BANP: variants seen among roughly 807,000 people sequenced by gnomAD.
BANP encodes the protein protein BANP.
In BANP, 11 loss-of-function variants were observed where a neutral mutation model predicts 68.1. That is an observed-to-expected ratio of 0.16 (90% confidence interval 0.10 to 0.27). The LOEUF (loss-of-function observed/expected upper bound fraction) is 0.27, where lower values mean the gene tolerates loss of function less well. BANP is among the 10% of genes least tolerant of loss of function. The pLI is 1.00. For synonymous variants in BANP, 329 were observed against 303.2 expected, an observed-to-expected ratio of 1.09 and a Z score of -0.88; for missense variants, 504 against 722.7, an observed-to-expected ratio of 0.70 and a Z score of 3.47.
At chr16:87,970,026 G>A (rs1198492376) in intron 1 of BANP, 2 of 150,666 alleles carry the variant, frequency 1.3e-5, no homozygotes, top group African/African-American at 2.5e-5. Flanking sequence ...TCCTTTCTCA[G>A]CCTCCTTAGT....
At chr16:87,978,233 A>T (rs895808829) in intron 2 of BANP, among the ~76,000 whole-genome samples, 1 of 152,242 alleles carries the variant, frequency 6.6e-6, no homozygotes, top group Non-Finnish European at 1.5e-5. Context: ...AAAAAGCAGC[A>T]AAGTACAAAG....
At chr16:87,955,099 C>T (rs1215910927) in intron 1 of BANP, among the ~76,000 whole-genome samples, 1 of 152,192 alleles carries the variant, frequency 6.6e-6, no homozygotes, top group African/African-American at 2.4e-5. Context: ...GGTCAGTGTG[C>T]CAAGCGGGCC....
intron 1 of BANP, 57 bp downstream of exon 1, chr16:87,951,572 G>C (rs1051232348): frequency 2.0e-5 from 3 of 152,046 alleles, no homozygotes; most frequent in Non-Finnish European, 3.0e-5. Context: ...CGCGGGGCGA[G>C]AGCGAGAGCG....
Position 88,013,269 on chromosome 16 carries a change from C to T in BANP, c.656-5159C>T, listed in dbSNP as rs150345017. Among the ~76,000 whole-genome samples, 1,293 of 152,348 alleles carry T rather than the reference C, an allele frequency of 8.5e-3. 21 individuals are homozygous for T. The highest frequency in any genetic ancestry group is 0.029 in the African/African-American group (1,205 of 41,586). On this transcript the variant is annotated intron_variant, in intron 6 of 13. Transcript: ENST00000682872. The stretch of plus-strand genomic sequence containing the variant: ...GATGGATCATGGGCTGGCTTAGCTG[C>T]TGGGGTTACTGTGAGGACTGAGGAA...
intron 4 of BANP, among the ~76,000 whole-genome samples, chr16:87,987,739 A>AAAAT: frequency 6.9e-6 from 1 of 145,122 alleles, no homozygotes; most frequent in Admixed American, 6.9e-5. Flanking sequence ...AAAAAAAAAA[A>AAAAT]GGATGTTATT....
At chr16:88,063,331 AAGG>A (rs1396028742) in intron 11 of BANP, among the ~76,000 whole-genome samples, 1 of 152,302 alleles carries the variant, frequency 6.6e-6, no homozygotes, top group African/African-American at 2.4e-5. Context: ...CTGGTCCCAG[AAGG>A]AGGAGTTGTG....
chr16:88,063,131 G>T (rs546528139), intron 11 of BANP, among the ~76,000 whole-genome samples: 22 of 152,362 alleles, frequency 1.4e-4, no homozygotes, highest in African/African-American at 5.0e-4. Flanking sequence ...CAAGCGGAGG[G>T]CGCACCGCGG....
chr16:88,072,025 T>TTGTGGGC, intron 12 of BANP, 44 bp from the exon 13 acceptor site: 1 of 1,541,976 alleles, frequency 6.5e-7, no homozygotes, highest in Non-Finnish European at 8.7e-7. Context: ...GGGTTGTGGG[T>TTGTGGGC]TGTGGGCCAC....
chr16:87,980,853 G>T, intron 2 of BANP, 183 bp from the exon 3 acceptor site: 1 of 575,826 alleles, frequency 1.7e-6, no homozygotes. Flanking sequence ...CTTTTCTTGG[G>T]ATTAAGGAGT....
At chr16:88,069,828 G>A (rs923922249) in intron 12 of BANP, among the ~76,000 whole-genome samples, 1 of 152,208 alleles carries the variant, frequency 6.6e-6, no homozygotes, top group Non-Finnish European at 1.5e-5. Context: ...GAACTATGAG[G>A]ATCCACTTAT....
chr16:88,073,753 G>C (rs2090976954), intron 13 of BANP, among the ~76,000 whole-genome samples: 1 of 152,218 alleles, frequency 6.6e-6, no homozygotes, highest in African/African-American at 2.4e-5. Context: ...AGATGTGGGG[G>C]CCATGCCTGA....
At chr16:88,074,689 G>GC (rs2091216241) in intron 13 of BANP, among the ~76,000 whole-genome samples, 1 of 151,992 alleles carries the variant, frequency 6.6e-6, no homozygotes, top group African/African-American at 2.4e-5. Context: ...CCAGGCGGTG[G>GC]CCCCCCTACC....
At chr16:88,035,658 T>G (rs936641198) in intron 10 of BANP, among the ~76,000 whole-genome samples, 1 of 151,930 alleles carries the variant, frequency 6.6e-6, no homozygotes, top group Non-Finnish European at 1.5e-5. Context: ...TACTGCTGGC[T>G]GGAAGTGCCC....
At chr16:88,014,413 G>A (rs76861540) in intron 6 of BANP, among the ~76,000 whole-genome samples, 2,266 of 152,002 alleles carry the variant, frequency 0.015, 50 homozygotes, top group African/African-American at 0.049. Flanking sequence ...GGAGCTGGCT[G>A]TCATCCTAAG....
chr16:88,023,643 A>T (rs910797065), intron 7 of BANP, among the ~76,000 whole-genome samples: 7 of 152,218 alleles, frequency 4.6e-5, no homozygotes, highest in African/African-American at 1.7e-4. Context: ...CAAGATGACA[A>T]GCCCTCCTGG....
intron 1 of BANP, among the ~76,000 whole-genome samples, chr16:87,967,323 G>A (rs1160238735): frequency 3.6e-5 from 5 of 139,906 alleles, no homozygotes; most frequent in East Asian, 2.2e-4. Flanking sequence ...TAGCCAGGCC[G>A]CTCTCCAACT....
chr16:88,033,615 C>T (rs756530367), intron 9 of BANP, among the ~76,000 whole-genome samples: 5 of 152,320 alleles, frequency 3.3e-5, no homozygotes, highest in South Asian at 2.1e-4. Context: ...GAAGTGCAGG[C>T]GCTCTCTTAC....
chr16:88,038,986 C>T (rs1038078954), intron 11 of BANP, among the ~76,000 whole-genome samples: 4 of 152,218 alleles, frequency 2.6e-5, no homozygotes, highest in African/African-American at 9.6e-5. Flanking sequence ...CAAGGCCAGG[C>T]CCTGCGGATC....
rs114924813 is a variant in BANP at position 88,044,198 on chromosome 16, C to T, written c.1311+6187C>T. On this transcript the variant is annotated intron_variant, in intron 11 of 13. Transcript: ENST00000682872. The stretch of plus-strand genomic sequence containing the variant: ...TGCTGCCTCTGGAGTGATGAGTGCA[C>T]GCGGGCTGCATGGCTGGACTCTACC... Among the ~76,000 whole-genome samples the T allele has an allele frequency of 5.0e-3, 768 of 152,346 alleles. 7 individuals carry two copies. Among genetic ancestry groups the T allele is most frequent in the African/African-American group, 0.017 (719 of 41,586 alleles).
Sources: gnomAD v4.1 joint callset for allele counts (sites outside exome capture counted in the v4.1 genomes callset) on GRCh38, gnomAD v4.1.1 for gene constraint, MANE v1.5 for transcripts, NCBI Gene and HGNC (gene_info 2026-07-23, HGNC 2026-07-21) for gene names.